ZKSCAN4: variants seen among roughly 807,000 people sequenced by gnomAD.
ZKSCAN4 encodes zinc finger with KRAB and SCAN domains 4.
A neutral mutation model predicts 30.8 loss-of-function variants in ZKSCAN4; 23 were observed. The ratio of observed to expected loss-of-function variants is 0.75; its 90% CI spans 0.54 to 1.06. ZKSCAN4 has a LOEUF of 1.06. Ranked by LOEUF, ZKSCAN4 falls within the 50% of genes least tolerant of loss-of-function variation. The pLI is 0.00. For missense variants in ZKSCAN4, 556 were observed against 665.4 expected, an observed-to-expected ratio of 0.84 and a Z score of 1.81; for synonymous variants, 208 against 252.5, an observed-to-expected ratio of 0.82 and a Z score of 1.67.
In ZKSCAN4 at chr6:28,249,053, T is replaced by C. The variant is rs571626811; in HGVS notation, c.571+634A>G. Among the ~76,000 whole-genome samples, 1 of 152,140 alleles carries C rather than the reference T, an allele frequency of 6.6e-6. No homozygotes were observed. Among genetic ancestry groups the C allele is most frequent in the Non-Finnish European group, 1.5e-5 (1 of 68,026 alleles). On this transcript the variant is annotated intron_variant, in intron 2 of 4. Coordinates refer to ENST00000377294, the MANE Select transcript of ZKSCAN4 (RefSeq NM_019110.5). The surrounding 1 kb of genome is among the most constrained non-coding windows in gnomAD (Gnocchi z 4.1). The stretch of plus-strand genomic sequence containing the variant: ...CTGCTGAGAAATAAAGATTGCATGT[T>C]GGATGGCATGTCCAAGTGTTGTATG...
At chr6:28,250,560 T>C (rs1392234999) in intron 1 of ZKSCAN4, among the ~76,000 whole-genome samples, 1 of 152,018 alleles carries the variant, frequency 6.6e-6, no homozygotes, top group Non-Finnish European at 1.5e-5. Context: ...ACTAATATAT[T>C]TTCTAATCTG....
chr6:28,255,902 C>A (rs7750106), upstream of ZKSCAN4, among the ~76,000 whole-genome samples: 21,185 of 151,978 alleles, frequency 0.14, 2,362 homozygotes, highest in East Asian at 0.35. Flanking sequence ...TGGGACTACT[C>A]TCAGAATAGG....
chr6:28,244,832 A>C lies in ZKSCAN4; in HGVS notation c.*284T>G, dbSNP rs1242531657. 6 of 441,060 alleles carry C rather than the reference A, an allele frequency of 1.4e-5. No individual in the cohort carries two copies. Among genetic ancestry groups the C allele is most frequent in the Non-Finnish European group, 2.1e-5 (5 of 238,132 alleles). 27.3% of individuals were successfully genotyped at this position (441,060 alleles called of 1,614,324 possible). On this transcript the variant is annotated 3_prime_UTR_variant, in exon 5 of 5. Coordinates refer to ENST00000377294, the MANE Select transcript of ZKSCAN4 (RefSeq NM_019110.5). ...CTAAAGTGCTGGCTGAGGGCAATTA[A>C]CAAGTCCAGAAGGCCATTTAAATAC...
In ZKSCAN4 at chr6:28,244,715, A is replaced by T. The variant is rs1262293026; in HGVS notation, c.*401T>A. 7.5e-6 allele frequency: 2 copies of T among 265,088 alleles called. No homozygotes were observed. Among genetic ancestry groups the T allele is most frequent in the Non-Finnish European group, 1.5e-5 (2 of 135,622 alleles). The allele number at this position is 265,088 out of a possible 1,614,324, so 16.4% of individuals were successfully genotyped here. On this transcript the variant is annotated 3_prime_UTR_variant, in exon 5 of 5. Coordinates refer to ENST00000377294, the MANE Select transcript of ZKSCAN4 (RefSeq NM_019110.5). ...GGCACAAAGAAGAGTAAAAGACCTCATGGATCTGACCAATTTGTGAAAGAT... is the reference window on the plus strand; with the variant it reads ...GGCACAAAGAAGAGTAAAAGACCTCTTGGATCTGACCAATTTGTGAAAGAT...
chr6:28,251,428 T>C lies in ZKSCAN4; in HGVS notation c.423+130A>G. 2 of 1,492,816 alleles carry C rather than the reference T, an allele frequency of 1.3e-6. No individual in the cohort carries two copies. Among genetic ancestry groups the C allele is most frequent in the Non-Finnish European group, 1.8e-6 (2 of 1,090,002 alleles). 92.5% of individuals were successfully genotyped at this position (1,492,816 alleles called of 1,614,324 possible). On this transcript the variant is annotated intron_variant, in intron 1 of 4. Coordinates refer to ENST00000377294, the MANE Select transcript of ZKSCAN4 (RefSeq NM_019110.5). This position sits in a 1 kb window ranked among gnomAD's most constrained non-coding sequence, Gnocchi z 4.5. ...AAGGAGTCCAGGGACTTCACCTTAC[T>C]GCCAAGGAGGTTCACAGTACAAAAA...
the ZKSCAN4 span, among the ~76,000 whole-genome samples, chr6:28,257,533 C>G: frequency 0.049 from 7,423 of 152,074 alleles, 307 homozygotes; most frequent in Non-Finnish European, 0.087. Context: ...ACACATGTAT[C>G]CCAGAACTTA....
rs984134194 is a variant in ZKSCAN4 at position 28,245,142 on chromosome 6, C to T, written c.1612G>A (p.Val538Ile). ...CACTGTGAAAGAGTTTTTTTCCCTA[C>T]ATGGCTTCTCTGATGTTGAACAAGG... ...SYLVQHQRSH[V>I]GKKTLSQ The change falls in exon 5 of 5, where the codon GTA (valine) becomes ATA (isoleucine). Residue 538 changes from valine (V) to isoleucine (I), a missense_variant. Val to Ile is a conservative substitution (Grantham distance 29). Transcript: ENST00000377294. The T allele has an allele frequency of 6.2e-6, 10 of 1,613,808 alleles. No individual in the cohort carries two copies. The highest frequency in any genetic ancestry group is 8.5e-6 in the Non-Finnish European group (10 of 1,179,932).
intron 4 of ZKSCAN4, 31 bp downstream of exon 4, chr6:28,246,938 A>G (rs1291721024): frequency 1.3e-6 from 2 of 1,588,896 alleles, no homozygotes; most frequent in Non-Finnish European, 1.7e-6. Context: ...ATGCCAAGAA[A>G]TCTTAAGACA....
In ZKSCAN4 at chr6:28,245,365, C is replaced by T. The variant is rs1760661638; in HGVS notation, c.1389G>A (p.Glu463=). 1 of 1,614,230 alleles carries T rather than the reference C, an allele frequency of 6.2e-7. No individual in the cohort carries two copies. Among genetic ancestry groups the T allele is most frequent in the Non-Finnish European group, 8.5e-7 (1 of 1,180,040 alleles). The stretch of plus-strand genomic sequence containing the variant: ...CCTGACTTTCCCAGGACTCCCCGTG[C>T]TCAGGATTCTGAACATTTTTATCAC... ...IHGDKNVQNP[E]HGESWESQGR... Residue 463 remains glutamate, a synonymous_variant, in exon 5 of 5, where the codon GAG becomes GAA. Transcript: ENST00000377294.
intron 3 of ZKSCAN4, 91 bp downstream of exon 3, chr6:28,247,976 G>A: frequency 1.3e-6 from 1 of 795,036 alleles, no homozygotes; most frequent in Non-Finnish European, 2.0e-6. Context: ...GGATAGGGGT[G>A]GGGTAGGACT....
At chr6:28,247,956 T>C in intron 3 of ZKSCAN4, 111 bp downstream of exon 3, 1 of 662,112 alleles carries the variant, frequency 1.5e-6, no homozygotes, top group Non-Finnish European at 2.4e-6. Context: ...CTCAAATTCA[T>C]GTAGATCTAG....
At position 28,245,694 on chromosome 6, in the gene ZKSCAN4, C is replaced by G. The variant is rs200596047; in HGVS notation, c.1060G>C (p.Gly354Arg). 1.2e-6 allele frequency: 2 copies of G among 1,614,188 alleles called. No individual in the cohort carries two copies. Among genetic ancestry groups the G allele is most frequent in the African/African-American group, 1.3e-5 (1 of 75,060 alleles). Residue 354 changes from glycine (G) to arginine (R), a missense_variant, in exon 5 of 5, where the codon GGA becomes CGA. Around this residue, in one of 3 missense-constraint regions of ZKSCAN4, gnomAD observed 433 missense variants for 511.5 expected, o/e 0.85. Coordinates refer to ENST00000377294, the MANE Select transcript of ZKSCAN4 (RefSeq NM_019110.5). ...GEKPYECEDC[G>R]KTFIGSSALV... ...GCAGAGCTCCCAATGAAGGTCTTTC[C>G]ACAGTCTTCACATTCATAGGGTTTC... is the stretch of plus-strand genomic sequence containing the variant.
At chr6:28,247,160 TC>T (rs2113679141) in intron 3 of ZKSCAN4, 68 bp from the exon 4 acceptor site, 1 of 1,495,678 alleles carries the variant, frequency 6.7e-7, no homozygotes, top group East Asian at 2.4e-5. Flanking sequence ...AGAATGAACA[TC>T]CCCTTTAAAG....
At chr6:28,254,215 T>C (rs1386905239), upstream of ZKSCAN4, among the ~76,000 whole-genome samples, 1 of 152,216 alleles carries the variant, frequency 6.6e-6, no homozygotes, top group East Asian at 1.9e-4. Flanking sequence ...TACTGCTCCT[T>C]ACAGAGCAGG....
In ZKSCAN4 at chr6:28,250,514, C is replaced by T. The variant is rs530225157; in HGVS notation, c.424-680G>A. Among the ~76,000 whole-genome samples, 383 of 151,154 alleles carry T rather than the reference C, an allele frequency of 2.5e-3. 3 individuals carry two copies. The highest frequency in any genetic ancestry group is 0.01 in the Middle Eastern group (3 of 294). On this transcript the variant is annotated intron_variant, in intron 1 of 4. Coordinates refer to ENST00000377294, the MANE Select transcript of ZKSCAN4 (RefSeq NM_019110.5). ...CTCATTATATACATCTGTGTGTTTA[C>T]GAAAACCCTTTGGACACTGGTGCTA... is the stretch of plus-strand genomic sequence containing the variant.
At position 28,245,056 on chromosome 6, in the gene ZKSCAN4, C is replaced by A; in HGVS notation, c.*60G>T. ...CCACAATTTCTGTAACCATTAAGGG[C>A]TCCAGGGTGGCTTCAGTTCAGTGAC... On this transcript the variant is annotated 3_prime_UTR_variant, in exon 5 of 5. Transcript: ENST00000377294. The A allele has an allele frequency of 6.2e-7, 1 of 1,609,464 alleles. No homozygotes were observed. The highest frequency in any genetic ancestry group is 8.5e-7 in the Non-Finnish European group (1 of 1,176,354).
Position 28,251,333 on chromosome 6 carries a change from A to T in ZKSCAN4, c.423+225T>A. Reference sequence around the variant, plus strand: ...ACAAATTTAATTCTTTGCTAACTGTATGTCAATATAGTTGTGTTCTTTTGT... The same window carrying T: ...ACAAATTTAATTCTTTGCTAACTGTTTGTCAATATAGTTGTGTTCTTTTGT... On this transcript the variant is annotated intron_variant, in intron 1 of 4. Transcript: ENST00000377294. The surrounding 1 kb of genome is among the most constrained non-coding windows in gnomAD (Gnocchi z 4.5). 1 of 667,534 alleles carries T rather than the reference A, an allele frequency of 1.5e-6. No homozygotes were observed. The highest frequency in any genetic ancestry group is 3.0e-5 in the East Asian group (1 of 33,750). The allele number at this position is 667,534 out of a possible 1,614,324, so 41.4% of individuals were successfully genotyped here.
At chr6:28,246,941 T>G in intron 4 of ZKSCAN4, 28 bp downstream of exon 4, 1 of 1,591,724 alleles carries the variant, frequency 6.3e-7, no homozygotes, top group Non-Finnish European at 8.5e-7. Context: ...CCAAGAAATC[T>G]TAAGACAAAT....
chr6:28,252,029 T>A lies in ZKSCAN4; in HGVS notation c.-49A>T. 1 of 1,499,814 alleles carries A rather than the reference T, an allele frequency of 6.7e-7. No homozygotes were observed. Among genetic ancestry groups the A allele is most frequent in the Non-Finnish European group, 8.9e-7 (1 of 1,125,058 alleles). 92.9% of individuals were successfully genotyped at this position (1,499,814 alleles called of 1,614,324 possible). Reference sequence around the variant, plus strand: ...TCTCACTCTAGTTGCGACCTGTATATCTTCAGAGGATTCTGGAAGGGTGGT... The same window carrying A: ...TCTCACTCTAGTTGCGACCTGTATAACTTCAGAGGATTCTGGAAGGGTGGT... On this transcript the variant is annotated 5_prime_UTR_variant, in exon 1 of 5. Coordinates refer to ENST00000377294, the MANE Select transcript of ZKSCAN4 (RefSeq NM_019110.5).
Sources: gnomAD v4.1 joint callset for allele counts (sites outside exome capture counted in the v4.1 genomes callset) on GRCh38, gnomAD v4.1.1 for gene constraint, gnomAD v4.1.1 regional missense constraint, Gnocchi (gnomAD v3.1) non-coding constraint, MANE v1.5 for transcripts, NCBI Gene and HGNC (gene_info 2026-07-23, HGNC 2026-07-21) for gene names.